MLF1: variants seen among roughly 807,000 people sequenced by gnomAD.
The protein encoded by MLF1 is myeloid leukemia factor 1.
In MLF1, 37 loss-of-function variants were observed where a neutral mutation model predicts 38.3. The observed-to-expected ratio is 0.96, with a 90% confidence interval of 0.74 to 1.27. The LOEUF (loss-of-function observed/expected upper bound fraction) is 1.27, where lower values mean the gene tolerates loss of function less well. Ranked by LOEUF, MLF1 falls within the 50% of genes most tolerant of loss-of-function variation. The pLI, the probability that MLF1 is intolerant of heterozygous loss-of-function variation, is 0.00. For synonymous variants in MLF1, 95 were observed against 106.5 expected (o/e 0.89, Z 0.66); for missense variants, 331 against 349.2 (o/e 0.95, Z 0.42).
chr3:158,599,814 G>A (rs1719472415), intron 5 of MLF1, among the ~76,000 whole-genome samples, 200 bp from the exon 6 acceptor site: 1 of 152,028 alleles, frequency 6.6e-6, no homozygotes, highest in African/African-American at 2.4e-5. Flanking sequence ...GGTTCTGTTT[G>A]TTGTAGACAT....
In MLF1 at chr3:158,587,995, C is replaced by T. The variant is rs556716401; in HGVS notation, c.48-4439C>T. Among the ~76,000 whole-genome samples the T allele has an allele frequency of 1.4e-3, 209 of 152,100 alleles. 2 individuals are homozygous for T. Among genetic ancestry groups the T allele is most frequent in the African/African-American group, 4.7e-3 (196 of 41,496 alleles). ...CAGTCTGGGTGACAGAGTAAGACTC[C>T]GTCTCAAAAATAAATAAATTAATTA... On this transcript the variant is annotated intron_variant, in intron 1 of 7. Transcript: ENST00000466246.
intron 1 of MLF1, among the ~76,000 whole-genome samples, chr3:158,584,059 A>C (rs925112618): frequency 6.6e-6 from 1 of 152,220 alleles, no homozygotes; most frequent in Non-Finnish European, 1.5e-5. Flanking sequence ...AGGAAAGACA[A>C]TTCTAGCCTA....
At chr3:158,574,773 C>G (rs1022396485) in intron 1 of MLF1, among the ~76,000 whole-genome samples, 1 of 151,564 alleles carries the variant, frequency 6.6e-6, no homozygotes, top group African/African-American at 2.4e-5. Flanking sequence ...TAAGCTCTGG[C>G]TTTCAAGAGA....
chr3:158,586,041 G>C (rs1229051124), intron 1 of MLF1, among the ~76,000 whole-genome samples: 8 of 151,982 alleles, frequency 5.3e-5, no homozygotes, highest in Admixed American at 5.2e-4. Flanking sequence ...GCAGGCACCT[G>C]CAATCCCAGC....
intron 1 of MLF1, among the ~76,000 whole-genome samples, chr3:158,591,304 C>T (rs984329139): frequency 7.3e-5 from 11 of 151,592 alleles, no homozygotes; most frequent in African/African-American, 2.4e-4. Flanking sequence ...GGATTATAGG[C>T]GTACGTCACC....
intron 1 of MLF1, 60 bp from the exon 2 acceptor site, chr3:158,592,374 G>A: frequency 7.0e-7 from 1 of 1,427,972 alleles, no homozygotes; most frequent in South Asian, 1.5e-5. Context: ...ATATTTACCT[G>A]CCTACTTACT....
At chr3:158,571,628 G>C (rs992464190) in intron 1 of MLF1, among the ~76,000 whole-genome samples, 2 of 111,662 alleles carry the variant, frequency 1.8e-5, no homozygotes, top group Non-Finnish European at 3.7e-5. Flanking sequence ...GTGAGGTGTG[G>C]GGAGGAGAGT....
At chr3:158,594,824 G>A (rs1028266823) in intron 3 of MLF1, among the ~76,000 whole-genome samples, 2 of 152,126 alleles carry the variant, frequency 1.3e-5, no homozygotes, top group African/African-American at 4.8e-5. Flanking sequence ...ATAAGGCATT[G>A]ATTCAGTACA....
At chr3:158,577,052 A>C (rs1411617973) in intron 1 of MLF1, among the ~76,000 whole-genome samples, 1 of 152,130 alleles carries the variant, frequency 6.6e-6, no homozygotes, top group Non-Finnish European at 1.5e-5. Flanking sequence ...ATATCTGATG[A>C]CCAGTATTTG....
intron 1 of MLF1, among the ~76,000 whole-genome samples, chr3:158,591,493 A>G (rs776405873): frequency 6.6e-6 from 1 of 152,128 alleles, no homozygotes; most frequent in Non-Finnish European, 1.5e-5. Flanking sequence ...TAGCTTCTTT[A>G]TGATGACATC....
chr3:158,582,135 G>A (rs781395863), intron 1 of MLF1, among the ~76,000 whole-genome samples: 17 of 152,088 alleles, frequency 1.1e-4, no homozygotes, highest in Non-Finnish European at 2.1e-4. Context: ...AGCTGAGATC[G>A]TGCCATTGCA....
chr3:158,599,214 C>T (rs1719363701), intron 5 of MLF1, among the ~76,000 whole-genome samples: 1 of 152,098 alleles, frequency 6.6e-6, no homozygotes, highest in Admixed American at 6.6e-5. Flanking sequence ...TACATGGCTC[C>T]TTATACAGAG....
intron 1 of MLF1, among the ~76,000 whole-genome samples, chr3:158,580,343 G>A (rs1014179581): frequency 6.8e-6 from 1 of 146,058 alleles, no homozygotes. Flanking sequence ...AGAGTGATAC[G>A]TATGCCAAAT....
intron 1 of MLF1, among the ~76,000 whole-genome samples, chr3:158,574,522 A>ACAAAAAAC (rs747579065): frequency 0.1 from 15,257 of 145,990 alleles, 1,035 homozygotes; most frequent in South Asian, 0.2. Context: ...AAAAAAAAAA[A>ACAAAAAAC]AAAAATACAA....
intron 1 of MLF1, among the ~76,000 whole-genome samples, chr3:158,582,013 C>A (rs1716441632): frequency 6.6e-6 from 1 of 152,136 alleles, no homozygotes; most frequent in Non-Finnish European, 1.5e-5. Context: ...AATCCCGTCT[C>A]TACTAAAAAT....
At chr3:158,576,529 C>G (rs75538852) in intron 1 of MLF1, among the ~76,000 whole-genome samples, 1 of 152,044 alleles carries the variant, frequency 6.6e-6, no homozygotes, top group Non-Finnish European at 1.5e-5. Context: ...CTATTTGATA[C>G]GAAACAGGAA....
At position 158,581,756 on chromosome 3, in the gene MLF1, A is replaced by G. The variant is rs1716400435; in HGVS notation, c.47+10409A>G. The stretch of plus-strand genomic sequence containing the variant: ...TCTAGCAAGGAATATTGGAATTATC[A>G]GACCAGGAATTTTTTTAAACTATGA... On this transcript the variant is annotated intron_variant, in intron 1 of 7. Transcript: ENST00000466246. 2.0e-5 allele frequency among the ~76,000 whole-genome samples: 3 copies of G among 152,248 alleles called. No homozygotes were observed. The South Asian group carries it at 6.2e-4, about 32-fold the overall frequency.
At position 158,598,042 on chromosome 3, in the gene MLF1, A is replaced by G. The variant is rs759938212; in HGVS notation, c.325-38A>G. 1.9e-6 allele frequency: 3 copies of G among 1,604,224 alleles called. No homozygotes were observed. In the Admixed American group the frequency reaches 5.1e-5, roughly 27 times the overall value. ...GAACTCTCTGGCAATAATTATTTAT[A>G]TTTGACTCGACTGAATTTACAATTT... On this transcript the variant is annotated intron_variant, in intron 4 of 7. Transcript: ENST00000466246.
At chr3:158,575,404 A>G (rs1474293878) in intron 1 of MLF1, among the ~76,000 whole-genome samples, 3 of 152,182 alleles carry the variant, frequency 2.0e-5, no homozygotes, top group Non-Finnish European at 4.4e-5. Flanking sequence ...TTTCTCCACA[A>G]TGAATTATAT....
Sources: gnomAD v4.1 joint callset for allele counts (sites outside exome capture counted in the v4.1 genomes callset) on GRCh38, gnomAD v4.1.1 for gene constraint, MANE v1.5 for transcripts, NCBI Gene and HGNC (gene_info 2026-07-23, HGNC 2026-07-21) for gene names.